The following PODXL2 variants were observed in gnomAD, a reference collection of about 807,000 sequenced individuals.
PODXL2 encodes podocalyxin-like protein 2.
PODXL2 carries 17 observed loss-of-function variants against 53.4 expected under a neutral mutation model. That is an observed-to-expected ratio of 0.32 (90% confidence interval 0.22 to 0.48). The LOEUF (loss-of-function observed/expected upper bound fraction) is 0.48, where lower values mean the gene tolerates loss of function less well. Among genes scored for constraint, PODXL2 ranks in the 20% least tolerant of loss-of-function variants. PODXL2 has a pLI of 0.99. For synonymous variants in PODXL2, 311 were observed against 306.7 expected (o/e 1.01, Z -0.15); for missense variants, 673 against 760.0 (o/e 0.89, Z 1.35).
intron 6 of PODXL2, among the ~76,000 whole-genome samples, chr3:127,669,697 C>T (rs1028868412): frequency 3.3e-5 from 5 of 152,212 alleles, no homozygotes; most frequent in Non-Finnish European, 5.9e-5. Context: ...GCTCCTGCTG[C>T]GGTGAGATGC....
intron 4 of PODXL2, among the ~76,000 whole-genome samples, chr3:127,668,098 CTGCGTGTG>C (rs1203440849): frequency 6.9e-4 from 81 of 117,136 alleles, no homozygotes; most frequent in African/African-American, 2.3e-3. Flanking sequence ...CTGTACATGG[CTGCGTGTG>C]TGTGTGTGTG....
Position 127,654,959 on chromosome 3 carries a change from GTGAGACAGAGTCTCACTCTGTC to G in PODXL2, c.350-5418_350-5397del, listed in dbSNP as rs1362089226. On this transcript the variant is annotated intron_variant, in intron 2 of 7. Transcript: ENST00000342480. ...AAATTTTTCTTTCTTTCTTTTTTTTGTGAGACAGAGTCTCACTCTGTCACCCAGGCTGGAGTGCAGTGGTGCA... is the reference window on the plus strand; with the variant it reads ...AAATTTTTCTTTCTTTCTTTTTTTTGACCCAGGCTGGAGTGCAGTGGTGCA... 5.3e-5 allele frequency among the ~76,000 whole-genome samples: 8 copies of G among 150,750 alleles called. No individual in the cohort carries two copies. The East Asian group carries it at 1.6e-3, about 30-fold the overall frequency.
intron 2 of PODXL2, among the ~76,000 whole-genome samples, chr3:127,659,988 TA>T (rs2074753581): frequency 1.3e-5 from 2 of 151,820 alleles, no homozygotes; most frequent in African/African-American, 4.8e-5. Context: ...AGAAAAGGAG[TA>T]GGGGGACCCT....
At chr3:127,671,362 A>T (rs2074835363) in intron 6 of PODXL2, 72 bp from the exon 7 acceptor site, 4 of 1,410,050 alleles carry the variant, frequency 2.8e-6, no homozygotes, top group Non-Finnish European at 4.0e-6. Context: ...ACCCGAGCCC[A>T]ATGCAACCAC....
intron 1 of PODXL2, among the ~76,000 whole-genome samples, chr3:127,637,743 C>T (rs2074585950): frequency 1.3e-5 from 2 of 152,224 alleles, no homozygotes; most frequent in African/African-American, 4.8e-5. Flanking sequence ...ACCCAGAATA[C>T]ACCCCTGTGG....
chr3:127,670,904 G>A (rs1559880245), intron 6 of PODXL2, among the ~76,000 whole-genome samples: 1 of 152,252 alleles, frequency 6.6e-6, no homozygotes, highest in Non-Finnish European at 1.5e-5. Flanking sequence ...TGGGAAGGGA[G>A]GAAGCTGGGC....
chr3:127,660,755 T>C lies in PODXL2; in HGVS notation c.727T>C (p.Leu243=). 1 of 1,614,086 alleles carries C rather than the reference T, an allele frequency of 6.2e-7. No homozygotes were observed. The highest frequency in any genetic ancestry group is 8.5e-7 in the Non-Finnish European group (1 of 1,179,980). ...GGTGGAGAGCAGCATGGGGCCCAGC[T>C]TGCTGCTGCCTTCAGTCACCCCAAC... ...VEVESSMGPS[L]LLPSVTPTTV... is the part of the protein sequence containing the mutation. Residue 243 remains leucine (L), a synonymous_variant, in exon 3 of 8, where the codon TTG becomes CTG. Transcript: ENST00000342480.
chr3:127,669,611 G>A (rs1358793358), intron 6 of PODXL2, among the ~76,000 whole-genome samples: 1 of 152,202 alleles, frequency 6.6e-6, no homozygotes, highest in Non-Finnish European at 1.5e-5. Flanking sequence ...AACCAAAAGA[G>A]CAAGCCTGGG....
intron 6 of PODXL2, 104 bp from the exon 7 acceptor site, chr3:127,671,330 C>A: frequency 1.9e-6 from 2 of 1,043,488 alleles, no homozygotes; most frequent in Non-Finnish European, 2.9e-6. Flanking sequence ...CCAGCACCTT[C>A]TAAGCCTGCT....
rs1408335701 is a variant in PODXL2 at position 127,639,374 on chromosome 3, C to T, written c.200C>T (p.Thr67Ile). The change falls in exon 2 of 8, where the codon ACC (threonine) becomes ATC (isoleucine). Residue 67 changes from threonine (T) to isoleucine (I), a missense_variant. Transcript: ENST00000342480. ...EPLDSEEPSETMGLGAGLGAP... is the reference protein window; with the variant it reads ...EPLDSEEPSEIMGLGAGLGAP... The stretch of plus-strand genomic sequence containing the variant: ...CTGGACTCAGAGGAGCCTAGTGAGA[C>T]CATGGGCCTGGGAGCTGGGCTGGGA... 6.2e-7 allele frequency: 1 copy of T among 1,614,096 alleles called. No homozygotes were observed. The highest frequency in any genetic ancestry group is 1.3e-5 in the African/African-American group (1 of 74,950).
rs1297927387 is a variant in PODXL2 at position 127,629,350 on chromosome 3, C to T, written c.70+61C>T. 1.0e-6 allele frequency: 1 copy of T among 1,001,076 alleles called. No homozygotes were observed. Among genetic ancestry groups the T allele is most frequent in the Non-Finnish European group, 1.2e-6 (1 of 840,848 alleles). 62.0% of individuals were successfully genotyped at this position (1,001,076 alleles called of 1,614,324 possible). On this transcript the variant is annotated intron_variant, in intron 1 of 7. Coordinates refer to ENST00000342480, the MANE Select transcript of PODXL2 (RefSeq NM_015720.4). This position sits in a 1 kb window ranked among gnomAD's most constrained non-coding sequence, Gnocchi z 6.4. ...GCGGCGGCGTGGGCGCGGTGCTGGA[C>T]AGCTCCCCGGGCCGCCAACAAAGGG...
At chr3:127,630,133 T>G (rs1456484791) in intron 1 of PODXL2, among the ~76,000 whole-genome samples, 1 of 147,750 alleles carries the variant, frequency 6.8e-6, no homozygotes, top group Non-Finnish European at 1.5e-5. Context: ...TGTAGGGAGG[T>G]GGGCATGGGG....
At chr3:127,638,128 C>T (rs889917314) in intron 1 of PODXL2, among the ~76,000 whole-genome samples, 1 of 152,070 alleles carries the variant, frequency 6.6e-6, no homozygotes, top group African/African-American at 2.4e-5. Flanking sequence ...AGACTGAGAC[C>T]CAGAGGTCTT....
intron 7 of PODXL2, among the ~76,000 whole-genome samples, 199 bp downstream of exon 7, chr3:127,671,812 G>A (rs568637837): frequency 6.6e-6 from 1 of 152,310 alleles, no homozygotes; most frequent in South Asian, 2.1e-4. Context: ...AGGGAGTGAG[G>A]GGGCTGCTAG....
chr3:127,659,260 C>T (rs1178409531), intron 2 of PODXL2, among the ~76,000 whole-genome samples: 1 of 152,184 alleles, frequency 6.6e-6, no homozygotes, highest in Admixed American at 6.5e-5. Context: ...GAAAGCCTGC[C>T]TCCTCCCCTG....
chr3:127,645,025 C>CA (rs2074644368), intron 2 of PODXL2, among the ~76,000 whole-genome samples: 1 of 152,232 alleles, frequency 6.6e-6, no homozygotes, highest in African/African-American at 2.4e-5. Flanking sequence ...ATCTTCTTCT[C>CA]AAACAAACTA....
intron 7 of PODXL2, among the ~76,000 whole-genome samples, 195 bp downstream of exon 7, chr3:127,671,808 TGA>T (rs948063157): frequency 1.3e-5 from 2 of 151,970 alleles, no homozygotes; most frequent in Admixed American, 6.5e-5. Flanking sequence ...GTGCAGGGAG[TGA>T]GGGGGCTGCT....
chr3:127,654,696 A>G (rs2107710280), intron 2 of PODXL2, among the ~76,000 whole-genome samples: 1 of 152,368 alleles, frequency 6.6e-6, no homozygotes. Flanking sequence ...AATGAAAAAT[A>G]AAAACTCAAG....
chr3:127,664,409 G>T (rs1435287226), intron 4 of PODXL2, among the ~76,000 whole-genome samples: 1 of 151,858 alleles, frequency 6.6e-6, no homozygotes, highest in Non-Finnish European at 1.5e-5. Flanking sequence ...GCTGTCCATG[G>T]ACACTTGCAT....
Sources: allele counts gnomAD v4.1 joint callset (sites outside exome capture counted in the v4.1 genomes callset), GRCh38; gene constraint gnomAD v4.1.1; non-coding constraint Gnocchi (gnomAD v3.1); transcripts MANE v1.5; gene names NCBI Gene and HGNC (gene_info 2026-07-23, HGNC 2026-07-21).